CADM2: variants seen among roughly 807,000 people sequenced by gnomAD.
CADM2 encodes cell adhesion molecule 2, also known as immunoglobulin superfamily member 4D.
In CADM2, 12 loss-of-function variants were observed where a neutral mutation model predicts 49.8. That is an observed-to-expected ratio of 0.24 (90% CI 0.15 to 0.39). The LOEUF (loss-of-function observed/expected upper bound fraction) is 0.39. Ranked by LOEUF, CADM2 falls within the 10% of genes least tolerant of loss-of-function variation. CADM2 has a pLI of 1.00. For missense variants in CADM2, 378 were observed against 492.3 expected (o/e 0.77, Z 2.20); for synonymous variants, 214 against 175.4 (o/e 1.22, Z -1.74).
At chr3:85,422,711 T>C (rs2036229963) in intron 1 of CADM2, among the ~76,000 whole-genome samples, 1 of 152,186 alleles carries the variant, frequency 6.6e-6, no homozygotes, top group African/African-American at 2.4e-5. Flanking sequence ...CGGGAGAGTT[T>C]CCTGACCCCC....
At chr3:85,673,102 G>A (rs910694799) in intron 1 of CADM2, among the ~76,000 whole-genome samples, 1 of 152,130 alleles carries the variant, frequency 6.6e-6, no homozygotes, top group Non-Finnish European at 1.5e-5. Flanking sequence ...GATGTAAATT[G>A]TCTGTCTTCT....
At chr3:85,836,632 A>T (rs1577438397) in intron 3 of CADM2, among the ~76,000 whole-genome samples, 1 of 151,508 alleles carries the variant, frequency 6.6e-6, no homozygotes, top group African/African-American at 2.4e-5. Context: ...ATTTAATGGG[A>T]CTGAAATAGA....
rs2034247730 is a variant in CADM2, at chr3:85,016,349, G to C, written c.61+56681G>C. Among the ~76,000 whole-genome samples, 4 of 152,148 alleles carry C rather than the reference G, an allele frequency of 2.6e-5. 1 individual carries two copies. In the South Asian group the frequency reaches 8.3e-4, roughly 32 times the overall value. Reference sequence around the variant, plus strand: ...CATTTCCAACAAGCCTCAGCAATTGGGATGACCAGAGAAAATGGAAATAAA... The same window carrying C: ...CATTTCCAACAAGCCTCAGCAATTGCGATGACCAGAGAAAATGGAAATAAA... On this transcript the variant is annotated intron_variant, in intron 1 of 9. Transcript: ENST00000383699.
chr3:85,413,296 AC>A (rs2035762467), intron 1 of CADM2, among the ~76,000 whole-genome samples: 1 of 151,924 alleles, frequency 6.6e-6, no homozygotes, highest in Non-Finnish European at 1.5e-5. Flanking sequence ...TCAGAAACAA[AC>A]ATATTTTCCT....
At chr3:85,572,568 C>T (rs369692854) in intron 1 of CADM2, among the ~76,000 whole-genome samples, 3 of 151,860 alleles carry the variant, frequency 2.0e-5, no homozygotes, top group Non-Finnish European at 2.9e-5. Context: ...AGCTGGAGAC[C>T]GTGGGATGCT....
chr3:85,206,922 C>T (rs2041657327), intron 1 of CADM2, among the ~76,000 whole-genome samples: 2 of 151,948 alleles, frequency 1.3e-5, no homozygotes, highest in African/African-American at 2.4e-5. Flanking sequence ...TGGAATTTGT[C>T]ATGGTCTTGT....
At chr3:85,579,622 G>A (rs1176669799) in intron 1 of CADM2, among the ~76,000 whole-genome samples, 2 of 152,012 alleles carry the variant, frequency 1.3e-5, no homozygotes, top group Non-Finnish European at 2.9e-5. Flanking sequence ...GAATATAATG[G>A]TAAAATTCAG....
At chr3:85,228,096 T>C (rs2042202116) in intron 1 of CADM2, among the ~76,000 whole-genome samples, 1 of 152,200 alleles carries the variant, frequency 6.6e-6, no homozygotes, top group Non-Finnish European at 1.5e-5. Flanking sequence ...CTGATGATTA[T>C]GTGCCTTGAG....
chr3:85,986,394 C>T (rs928823167), intron 8 of CADM2, among the ~76,000 whole-genome samples: 3 of 151,798 alleles, frequency 2.0e-5, no homozygotes, highest in African/African-American at 7.3e-5. Flanking sequence ...ACAGTTAAAT[C>T]CCAAAGTGTG....
chr3:85,274,747 C>A (rs972802528), intron 1 of CADM2, among the ~76,000 whole-genome samples: 1 of 151,470 alleles, frequency 6.6e-6, no homozygotes, highest in African/African-American at 2.4e-5. Flanking sequence ...ACCTTCTTGT[C>A]TTCGTGGAGT....
chr3:85,365,069 T>C (rs933255791), intron 1 of CADM2, among the ~76,000 whole-genome samples: 2 of 152,168 alleles, frequency 1.3e-5, no homozygotes. Context: ...GCTTTATTTT[T>C]ATTCACAATA....
intron 1 of CADM2, among the ~76,000 whole-genome samples, chr3:84,980,147 G>GCA (rs2032082143): frequency 6.6e-6 from 1 of 152,116 alleles, no homozygotes; most frequent in Non-Finnish European, 1.5e-5. Context: ...GTTTATAGGC[G>GCA]TTCTAGAAGG....
chr3:86,054,214 A>T (rs1057018021), intron 8 of CADM2, among the ~76,000 whole-genome samples: 10 of 151,420 alleles, frequency 6.6e-5, no homozygotes, highest in Middle Eastern at 3.4e-3. Context: ...ATATATGGAA[A>T]AGACATATAT....
intron 1 of CADM2, among the ~76,000 whole-genome samples, chr3:85,501,766 T>C (rs1018997898): frequency 6.6e-6 from 1 of 152,184 alleles, no homozygotes; most frequent in Non-Finnish European, 1.5e-5. Context: ...TTTAATACTT[T>C]GCCAGTGGTT....
chr3:85,363,698 G>T (rs1162880845), intron 1 of CADM2, among the ~76,000 whole-genome samples: 2 of 152,154 alleles, frequency 1.3e-5, no homozygotes, highest in African/African-American at 4.8e-5. Context: ...TGCAAGCTCC[G>T]CCTTCTGGAT....
chr3:84,987,184 G>C (rs2032621904), intron 1 of CADM2, among the ~76,000 whole-genome samples: 1 of 151,936 alleles, frequency 6.6e-6, no homozygotes, highest in Admixed American at 6.6e-5. Context: ...GTGTAGCCTG[G>C]CCCAGGCTGG....
At chr3:86,004,279 G>A (rs544137561) in intron 8 of CADM2, among the ~76,000 whole-genome samples, 7 of 152,218 alleles carry the variant, frequency 4.6e-5, no homozygotes, top group Admixed American at 3.9e-4. Context: ...TTTAGTCACC[G>A]CAAACACTAA....
intron 1 of CADM2, among the ~76,000 whole-genome samples, chr3:85,551,660 G>C (rs1004341593): frequency 4.6e-5 from 7 of 152,150 alleles, no homozygotes; most frequent in African/African-American, 1.7e-4. Context: ...AGAACTGAGT[G>C]CATTATCCAT....
chr3:85,768,833 CA>C (rs2069828699), intron 2 of CADM2, among the ~76,000 whole-genome samples: 1 of 41,014 alleles, frequency 2.4e-5, no homozygotes, highest in Non-Finnish European at 3.9e-5. Flanking sequence ...CACATATATA[CA>C]TATATAGTAT....
Sources: allele counts gnomAD v4.1 joint callset (sites outside exome capture counted in the v4.1 genomes callset), GRCh38; gene constraint gnomAD v4.1.1; transcripts MANE v1.5; gene names NCBI Gene and HGNC (gene_info 2026-07-23, HGNC 2026-07-21).